ABCA4: variants seen among roughly 807,000 people sequenced by gnomAD.
The protein encoded by ABCA4 is ATP binding cassette subfamily A member 4, also known as retinal-specific phospholipid-transporting ATPase ABCA4.
ABCA4 carries 196 observed loss-of-function variants against 263.7 expected under a neutral mutation model. The ratio of observed to expected loss-of-function variants is 0.74; its 90% CI spans 0.66 to 0.84. ABCA4 has a LOEUF of 0.84. Ranked by LOEUF, ABCA4 falls within the 40% of genes least tolerant of loss-of-function variation. The probability of loss-of-function intolerance (pLI) is 0.00; values close to 1 mark genes in which losing one functional copy is unlikely to be tolerated. For missense variants in ABCA4, 2,792 were observed against 2,855.1 expected (o/e 0.98, Z 0.50); for synonymous variants, 1,133 against 1,094.2 (o/e 1.04, Z -0.70).
chr1:94,077,763 A>C lies in ABCA4; in HGVS notation c.1481T>G (p.Met494Arg). Residue 494 changes from methionine (M) to arginine (R), a missense_variant, in exon 11 of 50, where the codon ATG (methionine) becomes AGG (arginine). By Grantham distance (91) the Met-to-Arg change is moderately conservative. Coordinates refer to ENST00000370225, the MANE Select transcript of ABCA4 (RefSeq NM_000350.3). Reference protein sequence around the residue: ...KGPRESQADDMANFDWRDIFN... With the variant: ...KGPRESQADDRANFDWRDIFN... ...TATGTCCCTCCAGTCGAAGTTGGCC[A>C]TGTCGTCAGCCTGGCTTTCCCGAGG... 11 of 1,614,166 alleles carry C rather than the reference A, an allele frequency of 6.8e-6. No homozygotes were observed. Among genetic ancestry groups the C allele is most frequent in the Non-Finnish European group, 9.3e-6 (11 of 1,180,038 alleles).
chr1:94,078,546 C>G, intron 10 of ABCA4, 44 bp downstream of exon 10: 1 of 992,302 alleles, frequency 1.0e-6, no homozygotes, highest in Non-Finnish European at 1.6e-6. Context: ...TTGCCCCCAC[C>G]GCTTCCTCCT....
chr1:94,071,858 A>G (rs1355007802), intron 11 of ABCA4, among the ~76,000 whole-genome samples: 1 of 152,156 alleles, frequency 6.6e-6, no homozygotes, highest in Admixed American at 6.5e-5. Context: ...TGGCTCTTGA[A>G]ATAATATTGT....
rs1417184535 is a variant in ABCA4 at position 94,080,543 on chromosome 1, T to G, written c.1034A>C (p.Tyr345Ser). ...LSFNWYEDNNYKAFLGIDSTR... is the reference protein window; with the variant it reads ...LSFNWYEDNNSKAFLGIDSTR... ...GGAGTCAATCCCCAGAAAGGCCTTA[T>G]AGTTATTGTCTTCATACCAGTTGAA... The change falls in exon 8 of 50, where the codon TAT (tyrosine) becomes TCT (serine). Residue 345 changes from tyrosine (Y) to serine (S), a missense_variant. Coordinates refer to ENST00000370225, the MANE Select transcript of ABCA4 (RefSeq NM_000350.3). The G allele has an allele frequency of 6.2e-7, 1 of 1,614,118 alleles. No individual in the cohort carries two copies. The highest frequency in any genetic ancestry group is 2.2e-5 in the East Asian group (1 of 44,860).
intron 22 of ABCA4, among the ~76,000 whole-genome samples, chr1:94,041,988 A>T (rs1371467595): frequency 1.3e-5 from 2 of 151,060 alleles, no homozygotes; most frequent in Non-Finnish European, 2.9e-5. Context: ...AGTCCCAGCT[A>T]CTCAGGAGGC....
At chr1:94,078,438 G>T in intron 10 of ABCA4, 152 bp downstream of exon 10, 1 of 649,030 alleles carries the variant, frequency 1.5e-6, no homozygotes. Context: ...CTTGGTGACT[G>T]CTTGGAATGA....
chr1:94,100,103 C>A (rs1268984294), intron 5 of ABCA4, among the ~76,000 whole-genome samples: 1 of 152,156 alleles, frequency 6.6e-6, no homozygotes, highest in Non-Finnish European at 1.5e-5. Flanking sequence ...GAGGGCAGAA[C>A]AGGCCTGAGC....
chr1:94,004,099 T>G (rs919734935), intron 44 of ABCA4, among the ~76,000 whole-genome samples: 1 of 152,208 alleles, frequency 6.6e-6, no homozygotes, highest in Non-Finnish European at 1.5e-5. Context: ...GAGTGCTAAG[T>G]GTGCTCATGG....
chr1:94,037,964 G>A (rs375986291), intron 24 of ABCA4, among the ~76,000 whole-genome samples: 1 of 152,160 alleles, frequency 6.6e-6, no homozygotes, highest in Non-Finnish European at 1.5e-5. Flanking sequence ...CAGCTATGGG[G>A]GACTTGCCCA....
chr1:94,046,058 T>G (rs1660664470), intron 19 of ABCA4: 1 of 399,210 alleles, frequency 2.5e-6, no homozygotes, highest in Non-Finnish European at 5.0e-6. Flanking sequence ...GACTGATTCT[T>G]TTTTCACTTT....
intron 40 of ABCA4, 36 bp downstream of exon 40, chr1:94,010,764 A>G: frequency 6.2e-7 from 1 of 1,614,070 alleles, no homozygotes; most frequent in Non-Finnish European, 8.5e-7. Flanking sequence ...GGATGCCCTG[A>G]GCTGCCCACT....
At chr1:94,011,211 C>T (rs746903066) in intron 39 of ABCA4, 51 bp downstream of exon 39, 2 of 1,613,426 alleles carry the variant, frequency 1.2e-6, no homozygotes, top group Non-Finnish European at 1.7e-6. Flanking sequence ...CGGTAACCCT[C>T]CCAGCTTTGG....
At position 94,079,312 on chromosome 1, in the gene ABCA4, G is replaced by T. The variant is rs1570406907; in HGVS notation, c.1239+10C>A. 3 of 1,614,040 alleles carry T rather than the reference G, an allele frequency of 1.9e-6. No individual in the cohort carries two copies. The highest frequency in any genetic ancestry group is 2.5e-6 in the Non-Finnish European group (3 of 1,179,984). On this transcript the variant is annotated intron_variant, in intron 9 of 49. Transcript: ENST00000370225. ...CAGGGTACACAAGGCAAGCCCAGCT[G>T]GGATCTTACATTCTTCAGTATCCTT...
In ABCA4 at chr1:94,103,130, C is replaced by A. The variant is rs62646862; in HGVS notation, c.455G>T (p.Arg152Leu). The A allele has an allele frequency of 6.2e-6, 10 of 1,613,962 alleles. No homozygotes were observed. The South Asian group carries it at 1.1e-4, about 18-fold the overall frequency. ...TTCATCTTTCAAGATATCCCTTATT[C>A]GTATTCCTCTTCCTACATATGAATA... ...HPERIAGRGI[R>L]IRDILKDEET... Residue 152 changes from arginine to leucine, a missense_variant, in exon 5 of 50, where the codon CGA (arginine) becomes CTA (leucine). Arg to Leu is a moderately radical substitution (Grantham distance 102). Transcript: ENST00000370225.
At chr1:94,021,109 G>A in intron 35 of ABCA4, 131 bp downstream of exon 35, 8 of 1,275,410 alleles carry the variant, frequency 6.3e-6, no homozygotes, top group Non-Finnish European at 9.1e-6. Flanking sequence ...AAAGTCGGAT[G>A]TTCATATGTG....
chr1:94,051,816 T>G (rs935896821), intron 16 of ABCA4, 118 bp from the exon 17 acceptor site: 4 of 789,400 alleles, frequency 5.1e-6, no homozygotes, highest in African/African-American at 1.7e-5. Context: ...CTATAGATAT[T>G]TGCAGTTATT....
intron 15 of ABCA4, 141 bp downstream of exon 15, chr1:94,056,460 C>T: frequency 1.1e-6 from 1 of 907,370 alleles, no homozygotes; most frequent in Non-Finnish European, 1.8e-6. Flanking sequence ...TGCCCCTGTA[C>T]ATTTTAGCCT....
At position 93,998,119 on chromosome 1, in the gene ABCA4, T is replaced by G. The variant is rs2100988432; in HGVS notation, c.6480-9A>C. On this transcript the variant is annotated splice_polypyrimidine_tract_variant and intron_variant, in intron 47 of 49. Coordinates refer to ENST00000370225, the MANE Select transcript of ABCA4 (RefSeq NM_000350.3). The stretch of plus-strand genomic sequence containing the variant: ...TATAGCCATCTCCAAATCTAGGGGA[T>G]GCACACAGTGCAGGACAGGCCTCTG... 1 of 1,614,152 alleles carries G rather than the reference T, an allele frequency of 6.2e-7. No homozygotes were observed. Among genetic ancestry groups the G allele is most frequent in the Non-Finnish European group, 8.5e-7 (1 of 1,180,028 alleles).
chr1:94,097,519 GA>G (rs907364735), intron 6 of ABCA4, among the ~76,000 whole-genome samples: 51 of 151,890 alleles, frequency 3.4e-4, no homozygotes, highest in African/African-American at 1.2e-3. Context: ...GTAGGCAAAA[GA>G]AAAAAAACAT....
At position 94,062,692 on chromosome 1, in the gene ABCA4, A is replaced by T. The variant is rs61752398; in HGVS notation, c.1822T>A (p.Phe608Ile). ...TCAACCATGTCCTGCAGATAGGCAA[A>T]CCCGCCCCAGATGTACCGGAAATCT... The part of the protein sequence containing the change: ...VEDFRYIWGG[F>I]AYLQDMVEQG... The change falls in exon 13 of 50, where the codon TTT (phenylalanine) becomes ATT (isoleucine). Residue 608 changes from phenylalanine to isoleucine, a missense_variant. By Grantham distance (21) the Phe-to-Ile change is conservative. Coordinates refer to ENST00000370225, the MANE Select transcript of ABCA4 (RefSeq NM_000350.3). 6.2e-6 allele frequency: 10 copies of T among 1,613,856 alleles called. No individual in the cohort carries two copies. The highest frequency in any genetic ancestry group is 8.5e-6 in the Non-Finnish European group (10 of 1,179,994).
Sources: gnomAD v4.1 joint callset for allele counts (sites outside exome capture counted in the v4.1 genomes callset) on GRCh38, gnomAD v4.1.1 for gene constraint, MANE v1.5 for transcripts, NCBI Gene and HGNC (gene_info 2026-07-23, HGNC 2026-07-21) for gene names.